The following DOCK10 variants were observed in gnomAD, a reference collection of about 807,000 sequenced individuals.
DOCK10 encodes the protein dedicator of cytokinesis protein 10.
DOCK10 carries 145 observed loss-of-function variants against 280.1 expected under a neutral mutation model. The ratio of observed to expected loss-of-function variants is 0.52; its 90% CI spans 0.45 to 0.59. The LOEUF (loss-of-function observed/expected upper bound fraction) is 0.59, where lower values mean the gene tolerates loss of function less well. Ranked by LOEUF, DOCK10 falls within the 20% of genes least tolerant of loss-of-function variation. The pLI is 0.00. For synonymous variants in DOCK10, 915 were observed against 942.2 expected, an observed-to-expected ratio of 0.97 and a Z score of 0.53; for missense variants, 2,368 against 2,651.7, an observed-to-expected ratio of 0.89 and a Z score of 2.35.
At chr2:225,018,136 T>C (rs1407780493) in intron 1 of DOCK10, among the ~76,000 whole-genome samples, 1 of 152,230 alleles carries the variant, frequency 6.6e-6, no homozygotes, top group Non-Finnish European at 1.5e-5. Context: ...GCAGTATTCA[T>C]ACATTTTTAT....
chr2:224,782,632 T>C (rs748669170), intron 50 of DOCK10, among the ~76,000 whole-genome samples: 6 of 152,230 alleles, frequency 3.9e-5, no homozygotes, highest in Non-Finnish European at 7.3e-5. Flanking sequence ...GTTCCTGCTA[T>C]GAACGATCAG....
chr2:224,802,362 A>G (rs1173957931), intron 39 of DOCK10, among the ~76,000 whole-genome samples: 1 of 152,194 alleles, frequency 6.6e-6, no homozygotes, highest in African/African-American at 2.4e-5. Flanking sequence ...CTACTGGCTG[A>G]TCAGGAAGGC....
At position 224,770,825 on chromosome 2, in the gene DOCK10, G is replaced by A. The variant is rs1690387865; in HGVS notation, c.6205-180C>T. Among the ~76,000 whole-genome samples the A allele has an allele frequency of 6.6e-6, 1 of 151,820 alleles. No homozygotes were observed. Among genetic ancestry groups the A allele is most frequent in the South Asian group, 2.1e-4 (1 of 4,806 alleles). ...CCTCCAACTTGTCAATAGAGCATGA[G>A]TCTGAGCTCCACCTTTCACTAACAA... On this transcript the variant is annotated intron_variant, in intron 53 of 55. Transcript: ENST00000258390. This position sits in a 1 kb window ranked among gnomAD's most constrained non-coding sequence, Gnocchi z 4.5.
chr2:224,894,819 G>A (rs139894772), intron 4 of DOCK10, among the ~76,000 whole-genome samples: 1 of 152,088 alleles, frequency 6.6e-6, no homozygotes, highest in Non-Finnish European at 1.5e-5. Flanking sequence ...CTTTTTCTTC[G>A]ATTGCCACCC....
Position 224,818,620 on chromosome 2 carries a change from G to A in DOCK10, c.3267+826C>T, listed in dbSNP as rs1466392207. Among the ~76,000 whole-genome samples the A allele has an allele frequency of 2.0e-5, 3 of 152,102 alleles. No homozygotes were observed. The South Asian group carries it at 6.2e-4, about 32-fold the overall frequency. ...TCACCGTGTTAGCCAGGATGGTCTC[G>A]ATTTCCTGACCTCGTGATCCGCCCA... On this transcript the variant is annotated intron_variant, in intron 29 of 55. Coordinates refer to ENST00000258390, the MANE Select transcript of DOCK10 (RefSeq NM_014689.3).
In DOCK10 at chr2:224,770,966, C is replaced by A. The variant is rs530326026; in HGVS notation, c.6205-321G>T. 6.6e-6 allele frequency among the ~76,000 whole-genome samples: 1 copy of A among 151,612 alleles called. No homozygotes were observed. Among genetic ancestry groups the A allele is most frequent in the Non-Finnish European group, 1.5e-5 (1 of 67,988 alleles). The stretch of plus-strand genomic sequence containing the variant: ...TTTTTTTCTTTGTTAGAGACAGGGT[C>A]TCACTCTGTTGCCCAGGCTAGAGTG... On this transcript the variant is annotated intron_variant, in intron 53 of 55. Coordinates refer to ENST00000258390, the MANE Select transcript of DOCK10 (RefSeq NM_014689.3). The surrounding 1 kb of genome is among the most constrained non-coding windows in gnomAD (Gnocchi z 4.5).
At chr2:224,971,270 C>G (rs935871485) in intron 1 of DOCK10, among the ~76,000 whole-genome samples, 2 of 150,908 alleles carry the variant, frequency 1.3e-5, no homozygotes, top group Admixed American at 1.3e-4. Context: ...AACAGAGACA[C>G]GGAGGGCAGG....
intron 1 of DOCK10, among the ~76,000 whole-genome samples, chr2:225,035,566 A>AT (rs1303020875): frequency 0.011 from 594 of 54,628 alleles, 30 homozygotes; most frequent in South Asian, 0.026. Flanking sequence ...ATATATATAT[A>AT]TATATATATA....
At chr2:224,928,401 TG>T (rs1375884693) in intron 2 of DOCK10, among the ~76,000 whole-genome samples, 1 of 152,236 alleles carries the variant, frequency 6.6e-6, no homozygotes, top group Non-Finnish European at 1.5e-5. Context: ...ACTTTCTTTA[TG>T]GGTATCAGAA....
At chr2:225,011,015 C>T (rs1372168204) in intron 1 of DOCK10, among the ~76,000 whole-genome samples, 1 of 152,192 alleles carries the variant, frequency 6.6e-6, no homozygotes, top group East Asian at 1.9e-4. Flanking sequence ...TGGAAGACAG[C>T]TTGGCTGTGA....
At chr2:224,941,462 A>C (rs1703069282) in intron 1 of DOCK10, among the ~76,000 whole-genome samples, 1 of 152,210 alleles carries the variant, frequency 6.6e-6, no homozygotes, top group Non-Finnish European at 1.5e-5. Context: ...TTTCTGCAGC[A>C]AACGGCAAGA....
At chr2:224,824,341 TCAGGTC>T (rs1694701586) in intron 27 of DOCK10, among the ~76,000 whole-genome samples, 1 of 151,860 alleles carries the variant, frequency 6.6e-6, no homozygotes, top group East Asian at 1.9e-4. Context: ...AAAGACCATT[TCAGGTC>T]CAGATATCCA....
intron 2 of DOCK10, among the ~76,000 whole-genome samples, chr2:224,921,335 A>G (rs1001878909): frequency 2.7e-5 from 4 of 150,768 alleles, no homozygotes; most frequent in Non-Finnish European, 4.4e-5. Context: ...TAACGTGAAC[A>G]CTTAGCTAAT....
chr2:224,772,480 ATCGCTAGC>A (rs950336743), intron 53 of DOCK10, among the ~76,000 whole-genome samples: 1 of 152,104 alleles, frequency 6.6e-6, no homozygotes, highest in Non-Finnish European at 1.5e-5. Context: ...AAGCCTCCCT[ATCGCTAGC>A]TGAAGTCACT....
chr2:224,765,932 C>T (rs1195490582), intron 55 of DOCK10, 95 bp from the exon 56 acceptor site: 46 of 828,506 alleles, frequency 5.6e-5, no homozygotes, highest in Non-Finnish European at 8.0e-5. Flanking sequence ...GTTTTCATTC[C>T]CCACAGGGTA....
chr2:224,964,142 T>C (rs945617735), intron 1 of DOCK10, among the ~76,000 whole-genome samples: 1 of 152,178 alleles, frequency 6.6e-6, no homozygotes, highest in South Asian at 2.1e-4. Flanking sequence ...TGTGTTTTCC[T>C]TGGTGAAATT....
chr2:224,974,785 T>TTC (rs1197238747), intron 1 of DOCK10, among the ~76,000 whole-genome samples: 1 of 138,712 alleles, frequency 7.2e-6, no homozygotes, highest in African/African-American at 2.5e-5. Flanking sequence ...AGGTATAATG[T>TTC]TCTCTCTATA....
chr2:225,024,965 T>C (rs994816816), intron 1 of DOCK10, among the ~76,000 whole-genome samples: 2 of 152,024 alleles, frequency 1.3e-5, no homozygotes, highest in Admixed American at 1.3e-4. Context: ...AGGGATGAAC[T>C]TGGGAAAGGG....
chr2:225,038,306 C>T (rs545217890), intron 1 of DOCK10, among the ~76,000 whole-genome samples: 122 of 152,062 alleles, frequency 8.0e-4, no homozygotes, highest in Non-Finnish European at 1.0e-3. Flanking sequence ...CTACTCTCAA[C>T]TCTTGAATGC....
Sources: allele counts gnomAD v4.1 joint callset (sites outside exome capture counted in the v4.1 genomes callset), GRCh38; gene constraint gnomAD v4.1.1; non-coding constraint Gnocchi (gnomAD v3.1); transcripts MANE v1.5; gene names NCBI Gene and HGNC (gene_info 2026-07-23, HGNC 2026-07-21).